KLHL1: variants seen among roughly 807,000 people sequenced by gnomAD.
KLHL1 encodes kelch like family member 1, also known as kelch-like protein 1.
In KLHL1, 47 loss-of-function variants were observed where a neutral mutation model predicts 77.7. The ratio of observed to expected loss-of-function variants is 0.60; its 90% confidence interval spans 0.48 to 0.77. The LOEUF is 0.77. Ranked by LOEUF, KLHL1 falls within the 30% of genes least tolerant of loss-of-function variation. The probability of loss-of-function intolerance (pLI) is 0.00; values close to 1 mark genes in which losing one functional copy is unlikely to be tolerated. For missense variants in KLHL1, 925 were observed against 910.8 expected (o/e 1.02, Z -0.20); for synonymous variants, 360 against 325.2 (o/e 1.11, Z -1.15).
chr13:70,086,504 C>T (rs1340936067), intron 1 of KLHL1, among the ~76,000 whole-genome samples: 5 of 133,654 alleles, frequency 3.7e-5, no homozygotes, highest in Middle Eastern at 4.5e-3. Flanking sequence ...TCTCTTTAGG[C>T]GGAGGTTGTA....
intron 1 of KLHL1, among the ~76,000 whole-genome samples, chr13:70,104,923 TA>T (rs1412973692): frequency 1.3e-5 from 2 of 152,110 alleles, no homozygotes; most frequent in Admixed American, 6.5e-5. Flanking sequence ...TACTGCATAT[TA>T]AAATATTATA....
chr13:69,891,922 A>T (rs1881436245), intron 4 of KLHL1, among the ~76,000 whole-genome samples: 1 of 152,020 alleles, frequency 6.6e-6, no homozygotes, highest in African/African-American at 2.4e-5. Flanking sequence ...AAAATACTCC[A>T]GTCAGCTAAA....
intron 4 of KLHL1, among the ~76,000 whole-genome samples, chr13:69,916,521 A>G (rs914350217): frequency 1.3e-5 from 2 of 152,004 alleles, no homozygotes; most frequent in African/African-American, 4.8e-5. Flanking sequence ...GTTCTCACTC[A>G]TAGGTGGGAA....
chr13:69,974,131 A>G (rs1024178131), intron 2 of KLHL1, among the ~76,000 whole-genome samples: 4 of 152,030 alleles, frequency 2.6e-5, no homozygotes, highest in Non-Finnish European at 5.9e-5. Context: ...TTTATCACTT[A>G]ACAGTGTAAA....
chr13:69,833,533 A>G (rs1046034333), intron 6 of KLHL1, among the ~76,000 whole-genome samples: 3 of 151,898 alleles, frequency 2.0e-5, no homozygotes, highest in African/African-American at 7.2e-5. Flanking sequence ...TGACCACTAT[A>G]TAAAAAACAG....
At chr13:69,730,266 AATGTGT>A (rs1873484021) in intron 8 of KLHL1, among the ~76,000 whole-genome samples, 1 of 125,080 alleles carries the variant, frequency 8.0e-6, no homozygotes, top group East Asian at 2.1e-4. Flanking sequence ...CTAACACTTT[AATGTGT>A]GTGTGTGTGT....
Position 70,002,683 on chromosome 13 carries a change from T to C in KLHL1, c.498-26881A>G, listed in dbSNP as rs2119635. Among the ~76,000 whole-genome samples, 965 of 151,824 alleles carry C rather than the reference T, an allele frequency of 6.4e-3. 9 individuals are homozygous for C. The highest frequency in any genetic ancestry group is 0.022 in the African/African-American group (905 of 41,528). ...TCATGTCAATGACAAAAGCATAAGT[T>C]GTTCAAGAAGTGATCTTAACATGAC... is the stretch of plus-strand genomic sequence containing the variant. On this transcript the variant is annotated intron_variant, in intron 1 of 10. Coordinates refer to ENST00000377844, the MANE Select transcript of KLHL1 (RefSeq NM_020866.3).
intron 4 of KLHL1, 152 bp from the exon 5 acceptor site, chr13:69,882,647 A>G (rs955837068): frequency 6.5e-6 from 4 of 616,542 alleles, no homozygotes; most frequent in Admixed American, 2.9e-5. Flanking sequence ...GGCTGTTAAG[A>G]TGAAAGCATT....
chr13:69,825,048 T>A (rs1263587490), intron 6 of KLHL1, among the ~76,000 whole-genome samples: 1 of 152,166 alleles, frequency 6.6e-6, no homozygotes, highest in African/African-American at 2.4e-5. Flanking sequence ...GATACGTATG[T>A]GATAAAGCCA....
At chr13:69,836,763 G>C (rs1271445140) in intron 6 of KLHL1, among the ~76,000 whole-genome samples, 1 of 151,770 alleles carries the variant, frequency 6.6e-6, no homozygotes, top group Admixed American at 6.6e-5. Context: ...GCAGACTTCT[G>C]AAGTATTAAC....
intron 6 of KLHL1, among the ~76,000 whole-genome samples, chr13:69,809,971 G>A (rs895540555): frequency 6.6e-6 from 1 of 151,966 alleles, no homozygotes; most frequent in Non-Finnish European, 1.5e-5. Context: ...ATGATAAAGG[G>A]TTCAATTTAA....
chr13:69,964,077 T>C (rs1884145327), intron 2 of KLHL1, among the ~76,000 whole-genome samples: 1 of 152,074 alleles, frequency 6.6e-6, no homozygotes, highest in Non-Finnish European at 1.5e-5. Flanking sequence ...AGGCTCTTGC[T>C]TTGTCACCCA....
At chr13:70,060,949 G>C (rs1886865135) in intron 1 of KLHL1, among the ~76,000 whole-genome samples, 1 of 152,148 alleles carries the variant, frequency 6.6e-6, no homozygotes, top group South Asian at 2.1e-4. Context: ...GGAACTGAGG[G>C]ACACTATGTT....
At chr13:69,729,527 C>T (rs758962879) in intron 8 of KLHL1, among the ~76,000 whole-genome samples, 7 of 151,918 alleles carry the variant, frequency 4.6e-5, no homozygotes, top group South Asian at 2.1e-4. Context: ...GAAAAAATCA[C>T]GTCAGCAGAG....
chr13:69,924,461 A>G (rs956909591), intron 4 of KLHL1, among the ~76,000 whole-genome samples: 2 of 152,186 alleles, frequency 1.3e-5, no homozygotes, highest in African/African-American at 4.8e-5. Flanking sequence ...TACTCACTCC[A>G]GGGTCTCACC....
At chr13:69,994,742 G>T (rs763996526) in intron 1 of KLHL1, among the ~76,000 whole-genome samples, 1 of 152,032 alleles carries the variant, frequency 6.6e-6, no homozygotes, top group Non-Finnish European at 1.5e-5. Context: ...AGGGGTTAAC[G>T]TAAGCCTCTA....
chr13:70,105,854 T>C (rs1888042043), intron 1 of KLHL1, among the ~76,000 whole-genome samples: 1 of 151,008 alleles, frequency 6.6e-6, no homozygotes, highest in African/African-American at 2.4e-5. Flanking sequence ...AGGTCTCCTA[T>C]ATATGGAAAA....
chr13:69,750,263 T>TCAC (rs1874414367), intron 7 of KLHL1, among the ~76,000 whole-genome samples: 1 of 151,760 alleles, frequency 6.6e-6, no homozygotes, highest in South Asian at 2.1e-4. Context: ...GTATAAAGTA[T>TCAC]CACCCAGTAA....
chr13:70,059,157 CTT>C (rs58877477), intron 1 of KLHL1, among the ~76,000 whole-genome samples: 9 of 139,296 alleles, frequency 6.5e-5, no homozygotes, highest in African/African-American at 1.1e-4. Context: ...AATATTTCTT[CTT>C]TTTTTTTTTT....
Sources: allele counts gnomAD v4.1 joint callset (sites outside exome capture counted in the v4.1 genomes callset), GRCh38; gene constraint gnomAD v4.1.1; transcripts MANE v1.5; gene names NCBI Gene and HGNC (gene_info 2026-07-23, HGNC 2026-07-21).